WBP1L: variants seen among roughly 807,000 people sequenced by gnomAD.
WBP1L encodes WW domain binding protein 1-like.
In WBP1L, 17 loss-of-function variants were observed where a neutral mutation model predicts 33.7. The ratio of observed to expected loss-of-function variants is 0.50; its 90% confidence interval spans 0.34 to 0.76. The LOEUF (loss-of-function observed/expected upper bound fraction) is 0.76. Among genes scored for constraint, WBP1L ranks in the 30% least tolerant of loss-of-function variants. WBP1L has a pLI of 0.01. For missense variants in WBP1L, 389 were observed against 469.4 expected (o/e 0.83, Z 1.58); for synonymous variants, 173 against 190.8 (o/e 0.91, Z 0.77).
At position 102,812,923 on chromosome 10, in the gene WBP1L, C is replaced by A. The variant is rs761279147; in HGVS notation, c.684C>A (p.Asp228Glu). ...SGSVAGLGELDPGAFLDKDAE... is the reference protein window; with the variant it reads ...SGSVAGLGELEPGAFLDKDAE... Reference sequence around the variant, plus strand: ...CTGTGGCTGGCCTGGGGGAGCTGGACCCGGGGGCCTTCCTGGACAAAGATG... The same window carrying A: ...CTGTGGCTGGCCTGGGGGAGCTGGAACCGGGGGCCTTCCTGGACAAAGATG... Residue 228 changes from aspartate (D) to glutamate (E), a missense_variant, in exon 4 of 4, where the codon GAC becomes GAA. Physicochemically the swap from Asp to Glu is conservative, Grantham distance 45 (BLOSUM62 2). Transcript: ENST00000448841. The A allele has an allele frequency of 6.3e-7, 1 of 1,589,262 alleles. No homozygotes were observed. The highest frequency in any genetic ancestry group is 8.6e-7 in the Non-Finnish European group (1 of 1,165,112).
At chr10:102,794,863 A>G (rs752524266) in intron 1 of WBP1L, among the ~76,000 whole-genome samples, 6 of 152,128 alleles carry the variant, frequency 3.9e-5, no homozygotes, top group Non-Finnish European at 7.3e-5. Context: ...TCACTTTGGC[A>G]CTCATATCTC....
At chr10:102,767,821 A>C (rs1843131280) in intron 1 of WBP1L, among the ~76,000 whole-genome samples, 1 of 152,206 alleles carries the variant, frequency 6.6e-6, no homozygotes, top group South Asian at 2.1e-4. Context: ...TTTGATATTC[A>C]TGCTGCTACT....
At chr10:102,807,433 AG>A (rs1564769926) in intron 2 of WBP1L, among the ~76,000 whole-genome samples, 3 of 152,004 alleles carry the variant, frequency 2.0e-5, no homozygotes, top group Non-Finnish European at 2.9e-5. Flanking sequence ...GCTGGAGTGC[AG>A]TGGCGTGATC....
rs1843930791 is a variant in WBP1L at position 102,815,719 on chromosome 10, C to A, written c.*2388C>A. 1 of 152,194 alleles carries A rather than the reference C, an allele frequency of 6.6e-6. No individual in the cohort carries two copies. Among genetic ancestry groups the A allele is most frequent in the Non-Finnish European group, 1.5e-5 (1 of 68,032 alleles). The allele number at this position is 152,194 out of a possible 1,614,324, so 9.4% of individuals were successfully genotyped here. A position where few individuals can be genotyped will look rare whatever the true frequency, so the allele number is the denominator to read the frequency against. ...GTGTCTCAAAGGCGAACAAGTTTTA[C>A]CAAAATGAATCCTTTTTCAGTTAAC... On this transcript the variant is annotated 3_prime_UTR_variant, in exon 4 of 4. Coordinates refer to ENST00000448841, the MANE Select transcript of WBP1L (RefSeq NM_001083913.2).
intron 3 of WBP1L, among the ~76,000 whole-genome samples, chr10:102,812,380 CAAG>C (rs1843856007): frequency 6.6e-6 from 1 of 152,290 alleles, no homozygotes; most frequent in African/African-American, 2.4e-5. Flanking sequence ...TCTCAGATTT[CAAG>C]AAGCTAGGTT....
chr10:102,782,214 CTTTTTT>C (rs397961661), intron 1 of WBP1L, among the ~76,000 whole-genome samples: 8 of 49,154 alleles, frequency 1.6e-4, no homozygotes, highest in East Asian at 8.2e-4. Flanking sequence ...AAAGAAGCTG[CTTTTTT>C]TTTTTTTTTT....
chr10:102,786,926 G>T (rs1174752273), intron 1 of WBP1L, among the ~76,000 whole-genome samples: 1 of 152,190 alleles, frequency 6.6e-6, no homozygotes, highest in Non-Finnish European at 1.5e-5. Context: ...GGGGGACTGG[G>T]TCCTCTTAAG....
chr10:102,754,479 A>G (rs1189223334), intron 1 of WBP1L, among the ~76,000 whole-genome samples: 3 of 151,434 alleles, frequency 2.0e-5, no homozygotes, highest in South Asian at 2.1e-4. Context: ...GCTCACTGCA[A>G]CCTCCGCCTC....
At chr10:102,789,719 G>A (rs935373451) in intron 1 of WBP1L, among the ~76,000 whole-genome samples, 1 of 151,628 alleles carries the variant, frequency 6.6e-6, no homozygotes, top group Non-Finnish European at 1.5e-5. Flanking sequence ...CCTAGGTGTG[G>A]GCTTCTTATT....
intron 1 of WBP1L, among the ~76,000 whole-genome samples, chr10:102,775,330 G>A (rs557480109): frequency 2.6e-5 from 4 of 152,074 alleles, no homozygotes; most frequent in African/African-American, 7.2e-5. Context: ...TTACACCACC[G>A]ACTAGGGAAA....
chr10:102,797,676 C>T (rs1482343827), intron 1 of WBP1L, among the ~76,000 whole-genome samples: 3 of 152,128 alleles, frequency 2.0e-5, no homozygotes, highest in Non-Finnish European at 2.9e-5. Context: ...CCTCAACCTC[C>T]TGAGTAGCTG....
At chr10:102,750,483 A>T (rs10883772) in intron 1 of WBP1L, among the ~76,000 whole-genome samples, 31,504 of 151,984 alleles carry the variant, frequency 0.21, 3,387 homozygotes, top group Middle Eastern at 0.31. Context: ...GTTTCAGTAT[A>T]GTCACAGAAT....
intron 1 of WBP1L, among the ~76,000 whole-genome samples, chr10:102,747,997 C>T (rs765349975): frequency 6.6e-6 from 1 of 152,000 alleles, no homozygotes; most frequent in Admixed American, 6.6e-5. Context: ...TGGCTCACAC[C>T]TGTAATCCCA....
In WBP1L at chr10:102,744,068, G is replaced by C. The variant is rs180771793; in HGVS notation, c.15G>C (p.Arg5Ser). The change falls in exon 1 of 4, where the codon AGG becomes AGC. Residue 5 changes from arginine to serine, a missense_variant. Physicochemically the swap from Arg to Ser is moderately radical, Grantham distance 110. Coordinates refer to ENST00000448841, the MANE Select transcript of WBP1L (RefSeq NM_001083913.2). MERR[R>S]LLGGMALLLL... Reference sequence around the variant, plus strand: ...GCAGGAGGGGGATGGAGAGGAGAAGGCTCCTGGGTGGCATGGCGCTCCTGC... The same window carrying C: ...GCAGGAGGGGGATGGAGAGGAGAAGCCTCCTGGGTGGCATGGCGCTCCTGC... 2.0e-4 allele frequency: 304 copies of C among 1,551,530 alleles called. 2 individuals carry two copies. In the East Asian group the frequency reaches 6.3e-3, roughly 32 times the overall value.
chr10:102,808,686 C>T (rs1843778048), intron 2 of WBP1L, among the ~76,000 whole-genome samples: 1 of 152,204 alleles, frequency 6.6e-6, no homozygotes, highest in Non-Finnish European at 1.5e-5. Flanking sequence ...GGAGATGGAC[C>T]TGAGGCAATT....
Position 102,815,269 on chromosome 10 carries a change from A to C in WBP1L, c.*1938A>C, listed in dbSNP as rs1274717380. The C allele has an allele frequency of 6.6e-6, 1 of 152,538 alleles. No homozygotes were observed. Among genetic ancestry groups the C allele is most frequent in the East Asian group, 1.9e-4 (1 of 5,186 alleles). 9.4% of individuals were successfully genotyped at this position (152,538 alleles called of 1,614,324 possible). A position where few individuals can be genotyped will look rare whatever the true frequency, so the allele number is the denominator to read the frequency against. On this transcript the variant is annotated 3_prime_UTR_variant, in exon 4 of 4. Coordinates refer to ENST00000448841, the MANE Select transcript of WBP1L (RefSeq NM_001083913.2). ...GTGCTCGAAGTAGAGGTTTTACTCT[A>C]CTCATCACTGCGATTTGCACATTGC...
chr10:102,760,376 C>CTTTT (rs71019612), intron 1 of WBP1L, among the ~76,000 whole-genome samples: 9 of 96,208 alleles, frequency 9.4e-5, no homozygotes, highest in Non-Finnish European at 1.3e-4. Flanking sequence ...TTCTTTCTTT[C>CTTTT]TTTTTTTTTT....
chr10:102,781,939 T>C (rs1333403308), intron 1 of WBP1L, among the ~76,000 whole-genome samples: 1 of 151,898 alleles, frequency 6.6e-6, no homozygotes, highest in Non-Finnish European at 1.5e-5. Flanking sequence ...AGTGGCGCCA[T>C]CTTGGCTTAC....
rs1842829841 is a variant in WBP1L, at chr10:102,744,053, G to A, written c.-1G>A. 3 of 1,550,592 alleles carry A rather than the reference G, an allele frequency of 1.9e-6. No individual in the cohort carries two copies. The highest frequency in any genetic ancestry group is 2.4e-5 in the East Asian group (1 of 40,852). On this transcript the variant is annotated 5_prime_UTR_variant, in exon 1 of 4. Coordinates refer to ENST00000448841, the MANE Select transcript of WBP1L (RefSeq NM_001083913.2). Reference sequence around the variant, plus strand: ...GGCGGAGGAGCAGGAGCAGGAGGGGGATGGAGAGGAGAAGGCTCCTGGGTG... The same window carrying A: ...GGCGGAGGAGCAGGAGCAGGAGGGGAATGGAGAGGAGAAGGCTCCTGGGTG...
Sources: allele counts gnomAD v4.1 joint callset (sites outside exome capture counted in the v4.1 genomes callset), GRCh38; gene constraint gnomAD v4.1.1; transcripts MANE v1.5; gene names NCBI Gene and HGNC (gene_info 2026-07-23, HGNC 2026-07-21).